The following EFCAB6 variants were observed in gnomAD, a reference collection of about 807,000 sequenced individuals.
The protein encoded by EFCAB6 is EF-hand calcium-binding domain-containing protein 6.
Under a neutral mutation model 169.8 loss-of-function variants are expected in EFCAB6, and 156 were observed. That is an observed-to-expected ratio of 0.92 (90% CI 0.81 to 1.05). EFCAB6 has a LOEUF of 1.05. Among genes scored for constraint, EFCAB6 ranks in the 50% least tolerant of loss-of-function variants. EFCAB6 has a pLI of 0.00. For synonymous variants in EFCAB6, 698 were observed against 676.4 expected, an observed-to-expected ratio of 1.03 and a Z score of -0.50; for missense variants, 1,800 against 1,829.1, an observed-to-expected ratio of 0.98 and a Z score of 0.29.
intron 17 of EFCAB6, among the ~76,000 whole-genome samples, chr22:43,643,641 C>T (rs1184457976): frequency 1.3e-5 from 2 of 152,302 alleles, no homozygotes; most frequent in South Asian, 2.1e-4. Flanking sequence ...CTGGGAGACG[C>T]GTTGCTCCCT....
At chr22:43,667,532 G>T (rs73432101) in intron 16 of EFCAB6, among the ~76,000 whole-genome samples, 6,323 of 152,248 alleles carry the variant, frequency 0.042, 150 homozygotes, top group Non-Finnish European at 0.051. Context: ...AGGGGAACTT[G>T]CAGGGAGAGA....
rs142854093 is a variant in EFCAB6 at position 43,729,938 on chromosome 22, G to A, written c.757+1761C>T. The stretch of plus-strand genomic sequence containing the variant: ...CTTTGGGACTGTGTATAGGCAGGAG[G>A]ATCACTTAAGCACAGGAGTTCGAGA... On this transcript the variant is annotated intron_variant, in intron 8 of 31. Coordinates refer to ENST00000262726, the MANE Select transcript of EFCAB6 (RefSeq NM_022785.4). Among the ~76,000 whole-genome samples the A allele has an allele frequency of 2.8e-3, 433 of 152,016 alleles. 2 individuals are homozygous for A. The highest frequency in any genetic ancestry group is 4.8e-3 in the Non-Finnish European group (326 of 67,980).
intron 2 of EFCAB6, among the ~76,000 whole-genome samples, chr22:43,786,026 C>G (rs2062062910): frequency 6.6e-6 from 1 of 152,058 alleles, no homozygotes; most frequent in Non-Finnish European, 1.5e-5. Context: ...AGTCCAGAAC[C>G]AGGACCAGAT....
chr22:43,653,458 A>C (rs1325047426), intron 17 of EFCAB6, among the ~76,000 whole-genome samples: 1 of 152,238 alleles, frequency 6.6e-6, no homozygotes, highest in Non-Finnish European at 1.5e-5. Context: ...TGTTTTTCCC[A>C]GCTAAAATAT....
intron 13 of EFCAB6, among the ~76,000 whole-genome samples, chr22:43,672,897 A>G (rs1382837300): frequency 6.6e-6 from 1 of 152,194 alleles, no homozygotes; most frequent in African/African-American, 2.4e-5. Flanking sequence ...AAAAAATAGC[A>G]TTTAACTTTC....
At position 43,716,835 on chromosome 22, in the gene EFCAB6, GA is replaced by G. The variant is rs2059347626; in HGVS notation, c.882+12del. ...TACTCTGTAGGTAATTGTGGCTTAG[GA>G]AAACATCTTACTTGTAGACAAAAGT... is the stretch of plus-strand genomic sequence containing the variant. On this transcript the variant is annotated intron_variant, in intron 9 of 31. Coordinates refer to ENST00000262726, the MANE Select transcript of EFCAB6 (RefSeq NM_022785.4). 1.9e-6 allele frequency: 3 copies of G among 1,595,608 alleles called. No individual in the cohort carries two copies. The highest frequency in any genetic ancestry group is 8.5e-7 in the Non-Finnish European group (1 of 1,172,794).
At chr22:43,790,737 G>A (rs1054195408) in intron 2 of EFCAB6, among the ~76,000 whole-genome samples, 1 of 152,166 alleles carries the variant, frequency 6.6e-6, no homozygotes, top group African/African-American at 2.4e-5. Context: ...TGTATGTCAC[G>A]AATAGGCTTA....
intron 17 of EFCAB6, among the ~76,000 whole-genome samples, chr22:43,637,399 C>T (rs1397921415): frequency 1.3e-5 from 2 of 152,358 alleles, no homozygotes; most frequent in Non-Finnish European, 2.9e-5. Flanking sequence ...AGGGAGCTGG[C>T]CCCTGTGGCT....
At chr22:43,535,614 T>G (rs67153209) in intron 29 of EFCAB6, 7 of 152,222 alleles carry the variant, frequency 4.6e-5, no homozygotes, top group Admixed American at 6.5e-5. Context: ...AAGACAACAC[T>G]TCTCTGGGAG....
chr22:43,705,468 A>C (rs1028765045), intron 10 of EFCAB6, among the ~76,000 whole-genome samples: 1 of 152,200 alleles, frequency 6.6e-6, no homozygotes, highest in Non-Finnish European at 1.5e-5. Context: ...TAGATCAGAT[A>C]ATAGGCCACA....
At chr22:43,694,711 T>C (rs1441994160) in intron 10 of EFCAB6, among the ~76,000 whole-genome samples, 2 of 151,988 alleles carry the variant, frequency 1.3e-5, no homozygotes, top group African/African-American at 4.8e-5. Flanking sequence ...AAAAACTACA[T>C]GCTCATTAGG....
chr22:43,540,164 T>G lies in EFCAB6; in HGVS notation c.3842A>C (p.Glu1281Ala). 1.9e-6 allele frequency: 3 copies of G among 1,614,086 alleles called. No homozygotes were observed. The highest frequency in any genetic ancestry group is 2.5e-6 in the Non-Finnish European group (3 of 1,180,020). Residue 1281 changes from glutamate (E) to alanine (A), a missense_variant, in exon 28 of 32, where the codon GAG becomes GCG. By Grantham distance (107) the Glu-to-Ala change is moderately radical. Transcript: ENST00000262726. Reference sequence around the variant, plus strand: ...CTGCGACTTTGACCCTGGTCTCAGCTCCTGAGTGGGCAATGAGAGGGCAGA... The same window carrying G: ...CTGCGACTTTGACCCTGGTCTCAGCGCCTGAGTGGGCAATGAGAGGGCAGA... ...TRSALSLPTQ[E>A]LRPGSKSQSH...
intron 2 of EFCAB6, among the ~76,000 whole-genome samples, chr22:43,805,588 G>A (rs1399556952): frequency 2.0e-5 from 3 of 152,158 alleles, no homozygotes; most frequent in Non-Finnish European, 4.4e-5. Context: ...GTTGATTAAT[G>A]GGTACAAATA....
chr22:43,740,883 A>G (rs774305164), intron 6 of EFCAB6, among the ~76,000 whole-genome samples: 3 of 152,198 alleles, frequency 2.0e-5, no homozygotes, highest in Non-Finnish European at 4.4e-5. Flanking sequence ...GGAGGACATG[A>G]GCACGATGCG....
chr22:43,798,966 C>A (rs2062607528), intron 2 of EFCAB6, among the ~76,000 whole-genome samples: 1 of 152,150 alleles, frequency 6.6e-6, no homozygotes, highest in African/African-American at 2.4e-5. Context: ...CTGATTCATC[C>A]TCCTCTGTTG....
At chr22:43,692,442 A>G (rs2058443429) in intron 10 of EFCAB6, among the ~76,000 whole-genome samples, 1 of 152,254 alleles carries the variant, frequency 6.6e-6, no homozygotes, top group Non-Finnish European at 1.5e-5. Context: ...ATTAACATGC[A>G]GGATTTTAAA....
chr22:43,593,384 G>T (rs984669347), intron 23 of EFCAB6, among the ~76,000 whole-genome samples: 3 of 152,296 alleles, frequency 2.0e-5, no homozygotes, highest in African/African-American at 7.2e-5. Flanking sequence ...AGAGTGTACT[G>T]GGAGTTCCCA....
chr22:43,620,204 T>C (rs2054022410), intron 20 of EFCAB6, among the ~76,000 whole-genome samples: 1 of 152,082 alleles, frequency 6.6e-6, no homozygotes, highest in Admixed American at 6.6e-5. Context: ...TTGCAGCTAC[T>C]TGGGAGGCTG....
At chr22:43,533,745 C>T (rs1375504249) in intron 30 of EFCAB6, among the ~76,000 whole-genome samples, 10 of 152,100 alleles carry the variant, frequency 6.6e-5, no homozygotes, top group African/African-American at 9.7e-5. Context: ...CTTGAAGTAA[C>T]GGAGCAAATG....
Sources: allele counts gnomAD v4.1 joint callset (sites outside exome capture counted in the v4.1 genomes callset), GRCh38; gene constraint gnomAD v4.1.1; transcripts MANE v1.5; gene names NCBI Gene and HGNC (gene_info 2026-07-23, HGNC 2026-07-21).